NTRK3: variants seen among roughly 807,000 people sequenced by gnomAD.
The protein encoded by NTRK3 is NT-3 growth factor receptor.
Under a neutral mutation model 91.7 loss-of-function variants are expected in NTRK3, and 24 were observed. That is an observed-to-expected ratio of 0.26 (90% CI 0.19 to 0.37). The LOEUF (loss-of-function observed/expected upper bound fraction) is 0.37, where lower values mean the gene tolerates loss of function less well. Ranked by LOEUF, NTRK3 falls within the 10% of genes least tolerant of loss-of-function variation. The probability of loss-of-function intolerance (pLI) is 1.00; values close to 1 mark genes in which losing one functional copy is unlikely to be tolerated. For synonymous variants in NTRK3, 483 were observed against 404.0 expected (o/e 1.20, Z -2.34); for missense variants, 880 against 1,068.9 (o/e 0.82, Z 2.46).
chr15:88,012,798 G>A (rs561906830), intron 14 of NTRK3, among the ~76,000 whole-genome samples: 1 of 152,322 alleles, frequency 6.6e-6, no homozygotes, highest in African/African-American at 2.4e-5. Flanking sequence ...ATACTTTGAT[G>A]TGCATCGGAA....
intron 5 of NTRK3, among the ~76,000 whole-genome samples, chr15:88,179,652 A>C (rs528009836): frequency 9.2e-5 from 14 of 152,352 alleles, no homozygotes; most frequent in African/African-American, 3.1e-4. Context: ...AAAGGGAAAG[A>C]GGGGCCAGCT....
chr15:88,093,085 T>G lies in NTRK3; in HGVS notation c.1396+33186A>C, dbSNP rs141831740. Among the ~76,000 whole-genome samples the G allele has an allele frequency of 4.6e-3, 691 of 151,528 alleles. 2 individuals carry two copies. The highest frequency in any genetic ancestry group is 0.016 in the African/African-American group (665 of 41,366). On this transcript the variant is annotated intron_variant, in intron 13 of 18. Coordinates refer to ENST00000394480, the Ensembl canonical transcript of NTRK3. ...TTTTTGTTTTTTTTGTTTTTTTTTT[T>G]TTGTTGGGGAGACAACCTTATTCTG...
chr15:88,049,983 A>G (rs1478239028), intron 13 of NTRK3, among the ~76,000 whole-genome samples: 1 of 152,200 alleles, frequency 6.6e-6, no homozygotes, highest in East Asian at 1.9e-4. Flanking sequence ...ACACTCAACA[A>G]TTTTAGAAAC....
At chr15:88,142,562 G>A (rs1185956705) in intron 6 of NTRK3, among the ~76,000 whole-genome samples, 1 of 152,210 alleles carries the variant, frequency 6.6e-6, no homozygotes, top group African/African-American at 2.4e-5. Flanking sequence ...TGACAGTCCT[G>A]GGGCCAGGCA....
At chr15:88,038,736 A>G (rs1367632715) in intron 13 of NTRK3, among the ~76,000 whole-genome samples, 1 of 151,472 alleles carries the variant, frequency 6.6e-6, no homozygotes, top group Non-Finnish European at 1.5e-5. Flanking sequence ...TTTAAAATGT[A>G]AAAAAAAAGT....
rs1863491 is a variant in NTRK3, at chr15:88,243,567, C to G, written c.248+12339G>C. On this transcript the variant is annotated intron_variant, in intron 3 of 18. Transcript: ENST00000394480. This position sits in a 1 kb window ranked among gnomAD's most constrained non-coding sequence, Gnocchi z 4.8. ...ACACACACACACACACACACACACA[C>G]ACACACACACTGAGCAAAAGGTATT... Among the ~76,000 whole-genome samples, 5 of 150,430 alleles carry G rather than the reference C, an allele frequency of 3.3e-5. No homozygotes were observed. Among genetic ancestry groups the G allele is most frequent in the Admixed American group, 2.0e-4 (3 of 15,144 alleles).
chr15:87,903,165 C>A (rs1366168380), intron 17 of NTRK3, among the ~76,000 whole-genome samples: 2 of 152,336 alleles, frequency 1.3e-5, no homozygotes, highest in Admixed American at 6.5e-5. Context: ...CCAGCTAAGG[C>A]TCAAGAGAGG....
At chr15:87,885,703 T>C (rs1008274906) in intron 17 of NTRK3, 3 of 1,392,702 alleles carry the variant, frequency 2.2e-6, no homozygotes, top group Non-Finnish European at 2.9e-6. Flanking sequence ...CCTCACACCA[T>C]ATACAAAAAT....
chr15:87,963,060 CAAT>C (rs2072453194), intron 14 of NTRK3, among the ~76,000 whole-genome samples: 1 of 152,102 alleles, frequency 6.6e-6, no homozygotes, highest in East Asian at 1.9e-4. Context: ...GGGTCTGAAG[CAAT>C]AATGTTTCAG....
At chr15:88,144,905 GA>G (rs1434715936) in intron 6 of NTRK3, among the ~76,000 whole-genome samples, 5 of 152,188 alleles carry the variant, frequency 3.3e-5, no homozygotes, top group Non-Finnish European at 7.3e-5. Flanking sequence ...CTTAGTGACA[GA>G]AAGAAACATG....
At chr15:88,002,733 G>T (rs1262713275) in intron 14 of NTRK3, among the ~76,000 whole-genome samples, 1 of 143,992 alleles carries the variant, frequency 6.9e-6, no homozygotes, top group Non-Finnish European at 1.5e-5. Context: ...GAGAAAACAA[G>T]ATTCTTATGA....
chr15:88,193,002 C>A (rs1449176389), intron 3 of NTRK3, among the ~76,000 whole-genome samples: 1 of 152,138 alleles, frequency 6.6e-6, no homozygotes, highest in Admixed American at 6.5e-5. Context: ...TACATTAGAA[C>A]CATAATGCAT....
chr15:88,249,889 ACT>A (rs1367525200), intron 3 of NTRK3, among the ~76,000 whole-genome samples: 12 of 151,896 alleles, frequency 7.9e-5, no homozygotes, highest in Non-Finnish European at 1.6e-4. Flanking sequence ...TATCTGGGCC[ACT>A]CTTTGACCAG....
chr15:88,192,772 G>A (rs1462952495), intron 3 of NTRK3, among the ~76,000 whole-genome samples: 4 of 151,808 alleles, frequency 2.6e-5, no homozygotes, highest in African/African-American at 9.7e-5. Context: ...GACCTCCTAC[G>A]TGAAACACTC....
intron 3 of NTRK3, among the ~76,000 whole-genome samples, chr15:88,232,389 G>A (rs2051288418): frequency 6.6e-6 from 1 of 151,932 alleles, no homozygotes; most frequent in Non-Finnish European, 1.5e-5. Context: ...TGTACCCTCT[G>A]CAATATCTGG....
At chr15:88,055,837 A>G (rs2045627221) in intron 13 of NTRK3, among the ~76,000 whole-genome samples, 1 of 152,166 alleles carries the variant, frequency 6.6e-6, no homozygotes. Flanking sequence ...TCCAAAGTCA[A>G]CGTTTTCCTC....
intron 5 of NTRK3, among the ~76,000 whole-genome samples, chr15:88,176,697 C>A (rs1037448103): frequency 3.9e-5 from 6 of 152,190 alleles, no homozygotes; most frequent in African/African-American, 7.2e-5. Flanking sequence ...GTACATGCAA[C>A]AAATCACTAC....
At chr15:87,872,010 G>A (rs1596039108) in exon 19 of NTRK3, 2 of 221,182 alleles carry the variant, frequency 9.0e-6, no homozygotes, top group East Asian at 1.3e-4. Flanking sequence ...AGAAAGTGGA[G>A]CTTCAGGAGC....
At chr15:88,026,207 C>T (rs986512439) in intron 14 of NTRK3, among the ~76,000 whole-genome samples, 5 of 151,992 alleles carry the variant, frequency 3.3e-5, no homozygotes, top group African/African-American at 1.2e-4. Context: ...GGAGGTGGAG[C>T]TTGCAGTGAG....
Sources: allele counts gnomAD v4.1 joint callset (sites outside exome capture counted in the v4.1 genomes callset), GRCh38; gene constraint gnomAD v4.1.1; non-coding constraint Gnocchi (gnomAD v3.1); transcripts MANE v1.5; gene names NCBI Gene and HGNC (gene_info 2026-07-23, HGNC 2026-07-21).